RBKS: variants seen among roughly 807,000 people sequenced by gnomAD.
RBKS encodes the protein ribokinase.
A neutral mutation model predicts 33.9 loss-of-function variants in RBKS; 33 were observed. That is an observed-to-expected ratio of 0.97 (90% CI 0.74 to 1.30). RBKS has a LOEUF of 1.30. Among genes scored for constraint, RBKS ranks in the 50% most tolerant of loss-of-function variants. The pLI is 0.00. For synonymous variants in RBKS, 125 were observed against 143.0 expected (o/e 0.87, Z 0.90); for missense variants, 361 against 392.6 (o/e 0.92, Z 0.68).
chr2:27,797,980 C>G (rs1227864161), intron 7 of RBKS, among the ~76,000 whole-genome samples: 1 of 151,992 alleles, frequency 6.6e-6, no homozygotes, highest in Non-Finnish European at 1.5e-5. Context: ...TAGCAATGTC[C>G]TGGAGGTTGT....
intron 1 of RBKS, among the ~76,000 whole-genome samples, chr2:27,883,222 C>CG (rs1664454909): frequency 1.4e-5 from 2 of 141,958 alleles, no homozygotes; most frequent in African/African-American, 5.3e-5. Flanking sequence ...TTTTTTGAGA[C>CG]GGAGTCTCGC....
chr2:27,821,648 A>G (rs1678213352), intron 7 of RBKS, among the ~76,000 whole-genome samples: 1 of 152,180 alleles, frequency 6.6e-6, no homozygotes, highest in Admixed American at 6.5e-5. Flanking sequence ...AAGCCCCAAT[A>G]AAGTGATTAG....
chr2:27,873,544 T>A (rs1236263231), intron 1 of RBKS, among the ~76,000 whole-genome samples: 2 of 152,150 alleles, frequency 1.3e-5, no homozygotes, highest in Non-Finnish European at 2.9e-5. Flanking sequence ...TTTGGCAGAG[T>A]ATTTGGTTGA....
intron 7 of RBKS, among the ~76,000 whole-genome samples, chr2:27,808,166 A>G (rs748406767): frequency 1.1e-4 from 17 of 152,228 alleles, no homozygotes; most frequent in Non-Finnish European, 2.5e-4. Flanking sequence ...AAATCAAAGT[A>G]AGGTGGGGCT....
At chr2:27,828,813 G>T (rs1678366869) in intron 6 of RBKS, among the ~76,000 whole-genome samples, 1 of 151,984 alleles carries the variant, frequency 6.6e-6, no homozygotes, top group African/African-American at 2.4e-5. Flanking sequence ...TTGTTGCTTT[G>T]ATTCTGTTTT....
At chr2:27,854,285 C>T (rs1299729219) in intron 2 of RBKS, among the ~76,000 whole-genome samples, 1 of 152,190 alleles carries the variant, frequency 6.6e-6, no homozygotes, top group African/African-American at 2.4e-5. Flanking sequence ...ACTCTCAATT[C>T]CTGTGCTGTT....
At chr2:27,853,896 G>A (rs1228741782) in intron 2 of RBKS, among the ~76,000 whole-genome samples, 1 of 152,132 alleles carries the variant, frequency 6.6e-6, no homozygotes, top group African/African-American at 2.4e-5. Flanking sequence ...TTTCAACAGA[G>A]TTCAGGAAAG....
chr2:27,787,068 T>C (rs1434029831), intron 7 of RBKS, among the ~76,000 whole-genome samples: 1 of 152,208 alleles, frequency 6.6e-6, no homozygotes, highest in Non-Finnish European at 1.5e-5. Context: ...AGCTCACTGA[T>C]GCCTTTGTCT....
At chr2:27,792,510 A>G (rs1677555068) in intron 7 of RBKS, among the ~76,000 whole-genome samples, 1 of 152,210 alleles carries the variant, frequency 6.6e-6, no homozygotes, top group African/African-American at 2.4e-5. Flanking sequence ...TCCCTAATTA[A>G]AAGTTGATGG....
chr2:27,789,443 G>C (rs1287579490), intron 7 of RBKS, among the ~76,000 whole-genome samples: 1 of 147,716 alleles, frequency 6.8e-6, no homozygotes, highest in Non-Finnish European at 1.5e-5. Context: ...CTGTTGCCCA[G>C]GCTGGAGTGT....
rs766228764 is a variant in RBKS, at chr2:27,810,248, T to C, written c.795+17319A>G. Among the ~76,000 whole-genome samples the C allele has an allele frequency of 2.0e-5, 3 of 152,228 alleles. No homozygotes were observed. Among genetic ancestry groups the C allele is most frequent in the Admixed American group, 1.3e-4 (2 of 15,288 alleles). ...CATAGTTACGTGAAGGCTGTGTTTCTACCAGGAATAAGCTAGTGTCTAAGG... is the reference window on the plus strand; with the variant it reads ...CATAGTTACGTGAAGGCTGTGTTTCCACCAGGAATAAGCTAGTGTCTAAGG... On this transcript the variant is annotated intron_variant, in intron 7 of 7. Transcript: ENST00000302188. The surrounding 1 kb of genome is among the most constrained non-coding windows in gnomAD (Gnocchi z 4.4).
At chr2:27,838,222 A>C (rs996124610) in intron 5 of RBKS, among the ~76,000 whole-genome samples, 1 of 152,062 alleles carries the variant, frequency 6.6e-6, no homozygotes, top group African/African-American at 2.4e-5. Flanking sequence ...AACAAAACAA[A>C]AACAAGTCTG....
chr2:27,796,886 CCTGT>C (rs1387411735), intron 7 of RBKS, among the ~76,000 whole-genome samples: 2 of 152,138 alleles, frequency 1.3e-5, no homozygotes, highest in Non-Finnish European at 2.9e-5. Context: ...TTCAGACAAT[CCTGT>C]CTGTCCATAG....
At chr2:27,842,706 G>C (rs1347198299) in intron 5 of RBKS, among the ~76,000 whole-genome samples, 3 of 151,388 alleles carry the variant, frequency 2.0e-5, no homozygotes, top group African/African-American at 7.3e-5. Flanking sequence ...ACCCAGGCTA[G>C]AGTGCAGCAG....
chr2:27,817,039 C>T (rs565197938), intron 7 of RBKS, among the ~76,000 whole-genome samples: 53 of 152,332 alleles, frequency 3.5e-4, no homozygotes, highest in African/African-American at 1.1e-3. Flanking sequence ...AGTTGATCCC[C>T]TAGTCCCCTG....
intron 5 of RBKS, among the ~76,000 whole-genome samples, chr2:27,840,917 C>T (rs543563231): frequency 2.0e-5 from 3 of 151,986 alleles, no homozygotes; most frequent in Non-Finnish European, 2.9e-5. Context: ...AAAATGTGTA[C>T]GAAAGTACTT....
chr2:27,817,110 GA>G (rs1337195600), intron 7 of RBKS, among the ~76,000 whole-genome samples: 4 of 152,298 alleles, frequency 2.6e-5, no homozygotes, highest in Non-Finnish European at 5.9e-5. Context: ...TACTTTCCCA[GA>G]AGGAACCAGA....
In RBKS at chr2:27,804,566, C is replaced by T. The variant is rs141271736; in HGVS notation, c.796-22778G>A. On this transcript the variant is annotated intron_variant, in intron 7 of 7. Transcript: ENST00000302188. ...TTATTAATATATTCACACCTAATCT[C>T]GATTTTAGCTGGCACTTTGTGCGAA... Among the ~76,000 whole-genome samples the T allele has an allele frequency of 7.1e-3, 1,080 of 152,280 alleles. 12 individuals carry two copies. Among genetic ancestry groups the T allele is most frequent in the African/African-American group, 0.023 (958 of 41,546 alleles).
intron 1 of RBKS, among the ~76,000 whole-genome samples, chr2:27,888,635 C>G (rs1478290278): frequency 2.0e-5 from 3 of 152,116 alleles, no homozygotes; most frequent in Non-Finnish European, 2.9e-5. Flanking sequence ...ATAACCTTTT[C>G]TTGAAAAGAG....
Sources: allele counts gnomAD v4.1 joint callset (sites outside exome capture counted in the v4.1 genomes callset), GRCh38; gene constraint gnomAD v4.1.1; non-coding constraint Gnocchi (gnomAD v3.1); transcripts MANE v1.5; gene names NCBI Gene and HGNC (gene_info 2026-07-23, HGNC 2026-07-21).